Variants in SV2C observed in about 807,000 individuals in gnomAD.
SV2C encodes the protein synaptic vesicle glycoprotein 2C.
In SV2C, 49 loss-of-function variants were observed where a neutral mutation model predicts 79.7. That is an observed-to-expected ratio of 0.61 (90% CI 0.49 to 0.78). SV2C has a LOEUF of 0.78. Among genes scored for constraint, SV2C ranks in the 30% least tolerant of loss-of-function variants. The probability of loss-of-function intolerance (pLI) is 0.00; values close to 1 mark genes in which losing one functional copy is unlikely to be tolerated. For missense variants in SV2C, 833 were observed against 912.9 expected, an observed-to-expected ratio of 0.91 and a Z score of 1.13; for synonymous variants, 334 against 333.2, an observed-to-expected ratio of 1.00 and a Z score of -0.03.
intron 1 of SV2C, among the ~76,000 whole-genome samples, chr5:76,105,373 A>T (rs1317157047): frequency 2.6e-5 from 4 of 152,118 alleles, no homozygotes; most frequent in African/African-American, 9.7e-5. Context: ...TAGGAAATGG[A>T]TACTGCCTCA....
intron 2 of SV2C, chr5:76,173,887 C>T (rs1326299127): frequency 6.3e-7 from 1 of 1,595,752 alleles, no homozygotes; most frequent in African/African-American, 1.3e-5. Flanking sequence ...CTCGAAGAAT[C>T]TGTTCTCTCA....
At chr5:75,860,856 A>G in the SV2C span, among the ~76,000 whole-genome samples, 6 of 152,174 alleles carry the variant, frequency 3.9e-5, no homozygotes, top group Non-Finnish European at 7.4e-5. Context: ...TATTCAATAA[A>G]TGGTGCTGGG....
At chr5:76,096,674 A>G (rs1339323594) in intron 1 of SV2C, among the ~76,000 whole-genome samples, 3 of 152,194 alleles carry the variant, frequency 2.0e-5, no homozygotes. Flanking sequence ...TGGGGTGCCC[A>G]GATATTTGGT....
intron 12 of SV2C, among the ~76,000 whole-genome samples, chr5:76,323,263 A>T (rs941375023): frequency 6.6e-6 from 1 of 152,200 alleles, no homozygotes; most frequent in African/African-American, 2.4e-5. Context: ...AGACATTTAC[A>T]TGGCCAACAA....
At chr5:76,279,432 G>A (rs1384019491) in intron 4 of SV2C, among the ~76,000 whole-genome samples, 1 of 152,182 alleles carries the variant, frequency 6.6e-6, no homozygotes, top group East Asian at 1.9e-4. Flanking sequence ...AGTCAGAGGA[G>A]CCAGCTAAGG....
intron 4 of SV2C, among the ~76,000 whole-genome samples, chr5:76,230,307 TA>T (rs1303077074): frequency 3.4e-5 from 5 of 145,838 alleles, no homozygotes; most frequent in African/African-American, 1.4e-4. Flanking sequence ...ATAAAAGGGA[TA>T]ATTAACAATG....
chr5:75,950,290 G>C, the SV2C span, among the ~76,000 whole-genome samples: 5 of 151,946 alleles, frequency 3.3e-5, no homozygotes, highest in Admixed American at 1.3e-4. Flanking sequence ...GTGATATGAA[G>C]AGAACACAGC....
At chr5:76,208,184 C>T (rs1038887554) in intron 3 of SV2C, among the ~76,000 whole-genome samples, 1 of 152,218 alleles carries the variant, frequency 6.6e-6, no homozygotes, top group Non-Finnish European at 1.5e-5. Context: ...AAGAAACACA[C>T]TGTGACCCAT....
At chr5:75,973,430 G>T in the SV2C span, among the ~76,000 whole-genome samples, 2 of 151,908 alleles carry the variant, frequency 1.3e-5, no homozygotes, top group Non-Finnish European at 2.9e-5. Context: ...AGGAGTTCAA[G>T]GTTACAGTGA....
the SV2C span, among the ~76,000 whole-genome samples, chr5:75,950,029 C>A: frequency 1.3e-5 from 2 of 152,004 alleles, no homozygotes; most frequent in East Asian, 3.9e-4. Flanking sequence ...ATGGGGAGAA[C>A]CAGGAGAGGA....
At chr5:76,233,388 G>C (rs2112404366) in intron 4 of SV2C, among the ~76,000 whole-genome samples, 1 of 140,184 alleles carries the variant, frequency 7.1e-6, no homozygotes, top group African/African-American at 3.2e-5. Flanking sequence ...TCTGCAAACA[G>C]GGACAATTTG....
the SV2C span, among the ~76,000 whole-genome samples, chr5:75,952,526 T>C: frequency 6.6e-6 from 1 of 151,864 alleles, no homozygotes; most frequent in African/African-American, 2.4e-5. Flanking sequence ...TTGGATCATA[T>C]GGGTCAGAGC....
the SV2C span, among the ~76,000 whole-genome samples, chr5:75,861,017 T>C: frequency 6.6e-6 from 1 of 152,120 alleles, no homozygotes; most frequent in South Asian, 2.1e-4. Context: ...ATTCTGGACA[T>C]TGGCCTTTGC....
the SV2C span, chr5:75,911,466 G>A: frequency 1.1e-6 from 1 of 918,056 alleles, no homozygotes; most frequent in Non-Finnish European, 1.7e-6. Context: ...CCTCCTCAGG[G>A]AACATACCCT....
At chr5:75,967,883 T>C in the SV2C span, among the ~76,000 whole-genome samples, 1 of 152,122 alleles carries the variant, frequency 6.6e-6, no homozygotes, top group African/African-American at 2.4e-5. Flanking sequence ...CTCAAGTGGG[T>C]CCCTGACCCC....
the SV2C span, among the ~76,000 whole-genome samples, chr5:75,984,369 G>A: frequency 6.6e-6 from 1 of 152,076 alleles, no homozygotes; most frequent in Non-Finnish European, 1.5e-5. Context: ...CTATATGCTA[G>A]GCTAGGTGCT....
chr5:76,051,456 TAATC>T, the SV2C span, among the ~76,000 whole-genome samples: 2 of 152,138 alleles, frequency 1.3e-5, no homozygotes, highest in East Asian at 1.9e-4. Context: ...TAGCAAAACT[TAATC>T]AACAAAAATA....
the SV2C span, among the ~76,000 whole-genome samples, chr5:75,872,885 C>T: frequency 1.0e-4 from 15 of 150,730 alleles, no homozygotes; most frequent in East Asian, 5.8e-4. Flanking sequence ...GTTGTGCACA[C>T]GTAGCCTAAA....
At chr5:76,289,074 A>C (rs901071242) in intron 6 of SV2C, among the ~76,000 whole-genome samples, 2 of 151,944 alleles carry the variant, frequency 1.3e-5, no homozygotes, top group African/African-American at 4.8e-5. Flanking sequence ...GATAATTAAC[A>C]ACAGGTCTCC....
Sources: gnomAD v4.1 joint callset for allele counts (sites outside exome capture counted in the v4.1 genomes callset) on GRCh38, gnomAD v4.1.1 for gene constraint, MANE v1.5 for transcripts, NCBI Gene and HGNC (gene_info 2026-07-23, HGNC 2026-07-21) for gene names.